Variants in KCNIP4 observed in about 807,000 individuals in gnomAD.
The protein encoded by KCNIP4 is potassium voltage-gated channel interacting protein 4, also known as Kv channel-interacting protein 4.
A neutral mutation model predicts 34.0 loss-of-function variants in KCNIP4; 12 were observed. The observed-to-expected ratio is 0.35, with a 90% CI of 0.23 to 0.57. The LOEUF is 0.57. KCNIP4 is among the 20% of genes least tolerant of loss of function. KCNIP4 has a pLI of 0.83. For missense variants in KCNIP4, 238 were observed against 311.7 expected, an observed-to-expected ratio of 0.76 and a Z score of 1.78; for synonymous variants, 124 against 102.2, an observed-to-expected ratio of 1.21 and a Z score of -1.29.
intron 2 of KCNIP4, among the ~76,000 whole-genome samples, chr4:20,852,326 G>A (rs527583235): frequency 8.5e-5 from 13 of 152,202 alleles, no homozygotes; most frequent in East Asian, 1.9e-4. Flanking sequence ...TTTAACATAC[G>A]CAAGTCAATA....
intron 1 of KCNIP4, among the ~76,000 whole-genome samples, chr4:21,807,881 CTAAG>C (rs1018187409): frequency 6.6e-6 from 1 of 151,966 alleles, no homozygotes; most frequent in Non-Finnish European, 1.5e-5. Flanking sequence ...GCTTCTGTAA[CTAAG>C]TAATATATAT....
intron 1 of KCNIP4, among the ~76,000 whole-genome samples, chr4:21,264,807 G>A (rs1277817534): frequency 2.0e-5 from 3 of 151,998 alleles, no homozygotes; most frequent in Non-Finnish European, 4.4e-5. Context: ...CATTTAAAGC[G>A]GGTCTTAAGG....
intron 1 of KCNIP4, among the ~76,000 whole-genome samples, chr4:21,829,777 A>G (rs901582067): frequency 6.6e-6 from 1 of 152,100 alleles, no homozygotes; most frequent in Non-Finnish European, 1.5e-5. Context: ...AAAGTTCTAT[A>G]AAACAACCAG....
At chr4:21,067,862 C>G (rs549034461) in intron 1 of KCNIP4, among the ~76,000 whole-genome samples, 63 of 152,300 alleles carry the variant, frequency 4.1e-4, no homozygotes, top group Non-Finnish European at 8.4e-4. Context: ...CTCACCCTTT[C>G]TCATAATATG....
intron 1 of KCNIP4, among the ~76,000 whole-genome samples, chr4:21,023,028 G>C (rs886321627): frequency 6.6e-6 from 1 of 151,962 alleles, no homozygotes; most frequent in Admixed American, 6.6e-5. Flanking sequence ...TCACCATGTT[G>C]GTCAGGCTGG....
At chr4:21,047,168 T>A (rs897779956) in intron 1 of KCNIP4, among the ~76,000 whole-genome samples, 1 of 152,362 alleles carries the variant, frequency 6.6e-6, no homozygotes, top group South Asian at 2.1e-4. Context: ...GGCAATTTAT[T>A]TGGCACATTG....
intron 1 of KCNIP4, among the ~76,000 whole-genome samples, chr4:21,439,898 G>C (rs1361484135): frequency 6.6e-6 from 1 of 152,202 alleles, no homozygotes; most frequent in Non-Finnish European, 1.5e-5. Flanking sequence ...CCTATCAGTA[G>C]ATCTGTTGAC....
chr4:21,294,221 G>T, intron 1 of KCNIP4, among the ~76,000 whole-genome samples: 1 of 151,970 alleles, frequency 6.6e-6, no homozygotes, highest in East Asian at 1.9e-4. Flanking sequence ...CTCTCTATTT[G>T]AGACTCCCCT....
intron 1 of KCNIP4, among the ~76,000 whole-genome samples, chr4:21,071,605 T>C (rs1352975406): frequency 6.6e-6 from 1 of 152,186 alleles, no homozygotes; most frequent in East Asian, 1.9e-4. Flanking sequence ...TGTCTATGTG[T>C]ATATATATCT....
chr4:21,517,526 A>G (rs16871315), intron 1 of KCNIP4, among the ~76,000 whole-genome samples: 1,598 of 152,326 alleles, frequency 0.01, 34 homozygotes, highest in African/African-American at 0.035. Context: ...TAAAAGAAAT[A>G]AAACCGTCTT....
chr4:21,487,518 T>C (rs560184712), intron 1 of KCNIP4, among the ~76,000 whole-genome samples: 18 of 152,240 alleles, frequency 1.2e-4, no homozygotes, highest in African/African-American at 4.1e-4. Context: ...TCCCTTTCCA[T>C]AGTGCTCCCT....
intron 1 of KCNIP4, among the ~76,000 whole-genome samples, chr4:21,337,067 A>C (rs1716248155): frequency 6.6e-6 from 1 of 151,656 alleles, no homozygotes; most frequent in South Asian, 2.1e-4. Flanking sequence ...TGGGGTCGTA[A>C]AAGAAGACAG....
chr4:21,913,825 C>A (rs1275665749), intron 1 of KCNIP4, among the ~76,000 whole-genome samples: 1 of 152,048 alleles, frequency 6.6e-6, no homozygotes, highest in African/African-American at 2.4e-5. Flanking sequence ...AACAGAGAAT[C>A]ACAGAGTGGT....
chr4:20,981,480 C>T (rs1460467277), intron 1 of KCNIP4, among the ~76,000 whole-genome samples: 1 of 152,176 alleles, frequency 6.6e-6, no homozygotes, highest in African/African-American at 2.4e-5. Context: ...TATTCCCTTT[C>T]TCAACATTAA....
intron 1 of KCNIP4, among the ~76,000 whole-genome samples, chr4:21,453,209 C>T (rs1384066974): frequency 6.6e-6 from 1 of 151,980 alleles, no homozygotes; most frequent in Non-Finnish European, 1.5e-5. Context: ...TCTAAGATCC[C>T]TCCCAATGTT....
chr4:21,543,244 A>G (rs1170823228), intron 1 of KCNIP4, among the ~76,000 whole-genome samples: 4 of 152,246 alleles, frequency 2.6e-5, no homozygotes, highest in African/African-American at 9.6e-5. Flanking sequence ...GCAAGCAAGA[A>G]CCAGGAAAAC....
At chr4:21,016,254 A>G (rs1739532620) in intron 1 of KCNIP4, among the ~76,000 whole-genome samples, 3 of 150,298 alleles carry the variant, frequency 2.0e-5, no homozygotes, top group African/African-American at 4.9e-5. Flanking sequence ...TTTTTTAAGC[A>G]TGGTACCTGG....
At chr4:21,299,110 A>G (rs1764011385) in intron 1 of KCNIP4, among the ~76,000 whole-genome samples, 1 of 152,176 alleles carries the variant, frequency 6.6e-6, no homozygotes, top group Non-Finnish European at 1.5e-5. Flanking sequence ...TTTGGTGAAG[A>G]TTAAATAAGA....
intron 1 of KCNIP4, chr4:21,656,958 T>C (rs1824370): frequency 0.77 from 117,790 of 152,174 alleles, 46,197 homozygotes; most frequent in East Asian, 0.99. Context: ...GGATACTCCA[T>C]CCACCACTGT....
Sources: gnomAD v4.1 joint callset for allele counts (sites outside exome capture counted in the v4.1 genomes callset) on GRCh38, gnomAD v4.1.1 for gene constraint, MANE v1.5 for transcripts, NCBI Gene and HGNC (gene_info 2026-07-23, HGNC 2026-07-21) for gene names.